Variants in SCN4A observed in about 807,000 individuals in gnomAD.
The protein encoded by SCN4A is sodium channel protein type 4 subunit alpha.
SCN4A carries 83 observed loss-of-function variants against 162.0 expected under a neutral mutation model. The ratio of observed to expected loss-of-function variants is 0.51; its 90% confidence interval spans 0.43 to 0.61. The LOEUF (loss-of-function observed/expected upper bound fraction) is 0.61, where lower values mean the gene tolerates loss of function less well. SCN4A is among the 20% of genes least tolerant of loss of function. SCN4A has a pLI of 0.00. For synonymous variants in SCN4A, 944 were observed against 985.1 expected, an observed-to-expected ratio of 0.96 and a Z score of 0.78; for missense variants, 2,196 against 2,462.5, an observed-to-expected ratio of 0.89 and a Z score of 2.29.
Position 63,948,684 on chromosome 17 carries a change from C to G in SCN4A, c.3071G>C (p.Cys1024Ser). The G allele has an allele frequency of 6.2e-7, 1 of 1,613,752 alleles. No individual in the cohort carries two copies. The highest frequency in any genetic ancestry group is 8.5e-7 in the Non-Finnish European group (1 of 1,179,822). Reference sequence around the variant, plus strand: ...CCAGTTGTGCTCGACAATCTTGAAGCAGGCCCTGCGCAGAGTCCACCACTT... The same window carrying G: ...CCAGTTGTGCTCGACAATCTTGAAGGAGGCCCTGCGCAGAGTCCACCACTT... ...GKKWWTLRRACFKIVEHNWFE... is the reference protein window; with the variant it reads ...GKKWWTLRRASFKIVEHNWFE... Residue 1024 changes from cysteine (C) to serine (S), a missense_variant, in exon 16 of 24, where the codon TGC becomes TCC. Coordinates refer to ENST00000435607, the MANE Select transcript of SCN4A (RefSeq NM_000334.4).
At chr17:63,961,664 G>C (rs2144799522) in intron 10 of SCN4A, 59 of 339,362 alleles carry the variant, frequency 1.7e-4, no homozygotes, top group Middle Eastern at 1.0e-3. Context: ...TCTGAGCGCG[G>C]CCGGCTCCAA....
chr17:63,947,057 G>A lies in SCN4A; in HGVS notation c.3429C>T (p.Phe1143=), dbSNP rs373597946. The A allele has an allele frequency of 3.4e-4, 502 of 1,471,820 alleles. 1 individual carries two copies. Among genetic ancestry groups the A allele is most frequent in the Middle Eastern group, 7.8e-4 (4 of 5,150 alleles). 91.2% of individuals were successfully genotyped at this position (1,471,820 alleles called of 1,614,324 possible). The change falls in exon 18 of 24, where the codon TTC becomes TTT. Residue 1143 remains phenylalanine (F), a synonymous_variant. Coordinates refer to ENST00000435607, the MANE Select transcript of SCN4A (RefSeq NM_000334.4). ...ALRPLRALSR[F]EGMRVVVNAL... ...CTTCAGCACCCACCCTCATGCCCTCGAATCGGGACAGTGCCCTCAGGGGAC... is the reference window on the plus strand; with the variant it reads ...CTTCAGCACCCACCCTCATGCCCTCAAATCGGGACAGTGCCCTCAGGGGAC...
Position 63,966,495 on chromosome 17 carries a change from G to A in SCN4A, c.1086C>T (p.Asn362=). Reference sequence around the variant, plus strand: ...GCATCACTCACCCAGCATCACTGCTGTTCCCACAGAGCAGGGCATCGTTGG... The same window carrying A: ...GCATCACTCACCCAGCATCACTGCTATTCCCACAGAGCAGGGCATCGTTGG... ...EGSNDALLCG[N]SSDAGHCPEG... Residue 362 remains asparagine (N), a synonymous_variant, in exon 7 of 24, where the codon AAC becomes AAT. Transcript: ENST00000435607. 2.5e-6 allele frequency: 4 copies of A among 1,613,850 alleles called. No homozygotes were observed. Among genetic ancestry groups the A allele is most frequent in the Non-Finnish European group, 3.4e-6 (4 of 1,179,800 alleles).
rs1671900595 is a variant in SCN4A, at chr17:63,951,056, A to G, written c.2853+368T>C. 6.6e-6 allele frequency among the ~76,000 whole-genome samples: 1 copy of G among 152,162 alleles called. No individual in the cohort carries two copies. Among genetic ancestry groups the G allele is most frequent in the East Asian group, 1.9e-4 (1 of 5,188 alleles). Reference sequence around the variant, plus strand: ...GGGCAAGGGGCCTCAAACCCAGAGGAGAATATGTAAGAGAGGCCTCTCAGG... The same window carrying G: ...GGGCAAGGGGCCTCAAACCCAGAGGGGAATATGTAAGAGAGGCCTCTCAGG... On this transcript the variant is annotated intron_variant, in intron 14 of 23. Transcript: ENST00000435607. The surrounding 1 kb of genome is among the most constrained non-coding windows in gnomAD (Gnocchi z 4.5).
At chr17:63,958,416 A>T (rs549961225) in intron 12 of SCN4A, among the ~76,000 whole-genome samples, 2 of 152,360 alleles carry the variant, frequency 1.3e-5, no homozygotes, top group South Asian at 4.1e-4. Flanking sequence ...TTGCTTTCAC[A>T]ATAAAAATTG....
rs930035867 is a variant in SCN4A at position 63,971,085 on chromosome 17, C to G, written c.703+77G>C. ...ACACCAGCCTGGGAGTGTTGTGACA[C>G]TGAGTCAGGTTCCAGGCCTGCACAT... On this transcript the variant is annotated intron_variant, in intron 5 of 23. Transcript: ENST00000435607. 22 of 949,870 alleles carry G rather than the reference C, an allele frequency of 2.3e-5. No homozygotes were observed. The East Asian group carries it at 5.8e-4, about 25-fold the overall frequency. The allele number at this position is 949,870 out of a possible 1,614,324, so 58.8% of individuals were successfully genotyped here.
chr17:63,956,947 A>C (rs1909086925), intron 13 of SCN4A, among the ~76,000 whole-genome samples: 1 of 152,252 alleles, frequency 6.6e-6, no homozygotes, highest in Admixed American at 6.5e-5. Flanking sequence ...AGAGCTGCTG[A>C]ATCAGACACT....
chr17:63,971,374 C>T, intron 4 of SCN4A, 121 bp from the exon 5 acceptor site: 1 of 685,722 alleles, frequency 1.5e-6, no homozygotes, highest in Non-Finnish European at 2.6e-6. Flanking sequence ...ACCACAGGGT[C>T]TGGGGGGCAG....
intron 6 of SCN4A, 51 bp from the exon 7 acceptor site, chr17:63,966,595 T>A (rs1909454868): frequency 2.2e-6 from 3 of 1,377,936 alleles, no homozygotes; most frequent in Middle Eastern, 1.8e-4. Context: ...ATGGACACAG[T>A]GTGAGCACCT....
chr17:63,945,090 G>A lies in SCN4A; in HGVS notation c.3721-30C>T, dbSNP rs755372331. The A allele has an allele frequency of 1.2e-6, 2 of 1,607,720 alleles. No homozygotes were observed. Among genetic ancestry groups the A allele is most frequent in the East Asian group, 2.2e-5 (1 of 44,832 alleles). On this transcript the variant is annotated intron_variant, in intron 19 of 23. Coordinates refer to ENST00000435607, the MANE Select transcript of SCN4A (RefSeq NM_000334.4). This position sits in a 1 kb window ranked among gnomAD's most constrained non-coding sequence, Gnocchi z 4.4. ...GAGAGTGTGGTTGGGGAGTGAGCCG[G>A]GGGGCTGCTCCCTGCTTTCATCATC...
At chr17:63,953,718 A>C (rs1264113685) in intron 13 of SCN4A, among the ~76,000 whole-genome samples, 1 of 152,018 alleles carries the variant, frequency 6.6e-6, no homozygotes. Context: ...AAAGAAAGAA[A>C]GAAAGAAAGT....
intron 6 of SCN4A, among the ~76,000 whole-genome samples, chr17:63,967,798 T>G (rs765317149): frequency 7.5e-4 from 114 of 152,132 alleles, no homozygotes; most frequent in Non-Finnish European, 1.4e-3. Flanking sequence ...TTGGGCCTGG[T>G]GGCACATGCC....
rs756072650 is a variant in SCN4A at position 63,957,153 on chromosome 17, C to G, written c.2376+9G>C. On this transcript the variant is annotated intron_variant, in intron 13 of 23. Transcript: ENST00000435607. ...TGAGGGCAGGGGCCACCCAGCCAGC[C>G]TCACTCACCACAAGATTGCCGATGA... The G allele has an allele frequency of 2.6e-6, 4 of 1,555,966 alleles. No homozygotes were observed. Among genetic ancestry groups the G allele is most frequent in the Non-Finnish European group, 2.6e-6 (3 of 1,143,550 alleles).
rs1194732180 is a variant in SCN4A at position 63,957,382 on chromosome 17, A to G, written c.2156T>C (p.Met719Thr). The G allele has an allele frequency of 1.2e-6, 2 of 1,614,026 alleles. No homozygotes were observed. The highest frequency in any genetic ancestry group is 1.7e-6 in the Non-Finnish European group (2 of 1,179,966). The change falls in exon 13 of 24, where the codon ATG becomes ACG. Residue 719 changes from methionine (M) to threonine (T), a missense_variant. Coordinates refer to ENST00000435607, the MANE Select transcript of SCN4A (RefSeq NM_000334.4). Reference sequence around the variant, plus strand: ...CTTGTAGCTCTTGCCAAACAGCTGCATGCCCACCACGGCGAAGATGAACAC... The same window carrying G: ...CTTGTAGCTCTTGCCAAACAGCTGCGTGCCCACCACGGCGAAGATGAACAC... ...IIVFIFAVVG[M>T]QLFGKSYKEC...
At position 63,944,579 on chromosome 17, in the gene SCN4A, C is replaced by T. The variant is rs1908650518; in HGVS notation, c.3912+94G>A. On this transcript the variant is annotated intron_variant, in intron 21 of 23. Transcript: ENST00000435607. This position sits in a 1 kb window ranked among gnomAD's most constrained non-coding sequence, Gnocchi z 4.3. The stretch of plus-strand genomic sequence containing the variant: ...ACCAACAACCTGGTAGGTGCTCAGG[C>T]AGCGTTTGTGGGTTTGTGCAATGGA... 1 of 1,388,876 alleles carries T rather than the reference C, an allele frequency of 7.2e-7. No individual in the cohort carries two copies. 86.0% of individuals were successfully genotyped at this position (1,388,876 alleles called of 1,614,324 possible).
intron 12 of SCN4A, among the ~76,000 whole-genome samples, chr17:63,958,027 A>G (rs1909126637): frequency 6.7e-6 from 1 of 150,370 alleles, no homozygotes; most frequent in East Asian, 2.0e-4. Flanking sequence ...AAAGAAAAAG[A>G]AAAAGAAAAG....
In SCN4A at chr17:63,940,756, C is replaced by T. The variant is rs569093796; in HGVS notation, c.*15G>A. Reference sequence around the variant, plus strand: ...GACTATGCCGAGACTCAGTGGGCCACCCCGATGCTGCCTGCTAGACAAGAG... The same window carrying T: ...GACTATGCCGAGACTCAGTGGGCCATCCCGATGCTGCCTGCTAGACAAGAG... On this transcript the variant is annotated 3_prime_UTR_variant, in exon 24 of 24. Coordinates refer to ENST00000435607, the MANE Select transcript of SCN4A (RefSeq NM_000334.4). The T allele has an allele frequency of 5.2e-6, 8 of 1,545,558 alleles. No individual in the cohort carries two copies. The highest frequency in any genetic ancestry group is 4.5e-5 in the East Asian group (2 of 44,188).
rs770779396 is a variant in SCN4A, at chr17:63,959,276, A to G, written c.2008T>C (p.Ser670Pro). ...GGGCTTTTGTGTACCAGACGGAAGGAGCGTAGCACAGACAGTCCCTGTACG... is the reference window on the plus strand; with the variant it reads ...GGGCTTTTGTGTACCAGACGGAAGGGGCGTAGCACAGACAGTCCCTGTACG... Reference protein sequence around the residue: ...ANVQGLSVLRSFRLLRVFKLA... With the variant: ...ANVQGLSVLRPFRLLRVFKLA... The change falls in exon 12 of 24, where the codon TCC becomes CCC. Residue 670 changes from serine to proline, a missense_variant. Coordinates refer to ENST00000435607, the MANE Select transcript of SCN4A (RefSeq NM_000334.4). 1.2e-6 allele frequency: 2 copies of G among 1,611,964 alleles called. No homozygotes were observed. Among genetic ancestry groups the G allele is most frequent in the Non-Finnish European group, 1.7e-6 (2 of 1,178,452 alleles).
chr17:63,954,954 C>G (rs1177012212), intron 13 of SCN4A, among the ~76,000 whole-genome samples: 1 of 152,172 alleles, frequency 6.6e-6, no homozygotes, highest in African/African-American at 2.4e-5. Context: ...CCCCTGTTTC[C>G]TCATCTATAA....
Sources: gnomAD v4.1 joint callset for allele counts (sites outside exome capture counted in the v4.1 genomes callset) on GRCh38, gnomAD v4.1.1 for gene constraint, Gnocchi (gnomAD v3.1) non-coding constraint, MANE v1.5 for transcripts, NCBI Gene and HGNC (gene_info 2026-07-23, HGNC 2026-07-21) for gene names.